Variants in NALCN observed in about 807,000 individuals in gnomAD.
NALCN encodes the protein sodium leak channel NALCN.
NALCN carries 111 observed loss-of-function variants against 225.3 expected under a neutral mutation model. The observed-to-expected ratio is 0.49, with a 90% CI of 0.42 to 0.58. The LOEUF is 0.58. NALCN is among the 20% of genes least tolerant of loss of function. NALCN has a pLI of 0.00. For missense variants in NALCN, 1,378 were observed against 2,202.4 expected (o/e 0.63, Z 7.49); for synonymous variants, 764 against 769.0 (o/e 0.99, Z 0.11).
Position 101,416,479 on chromosome 13 carries a change from C to G in NALCN, c.-206G>C, listed in dbSNP as rs1248919497. 6.6e-6 allele frequency: 1 copy of G among 151,800 alleles called. No individual in the cohort carries two copies. Among genetic ancestry groups the G allele is most frequent in the Non-Finnish European group, 1.5e-5 (1 of 67,910 alleles). The allele number at this position is 151,800 out of a possible 1,614,324, so 9.4% of individuals were successfully genotyped here. A position where few individuals can be genotyped will look rare whatever the true frequency, so the allele number is the denominator to read the frequency against. ...GGCAGCGCGCTCGGCCCGGCTGGGG[C>G]CGCGGCTCACGCTCGCCGTGTCACT... On this transcript the variant is annotated 5_prime_UTR_variant, in exon 1 of 44. Transcript: ENST00000251127.
chr13:101,144,697 A>G, intron 16 of NALCN, 63 bp downstream of exon 16: 2 of 1,546,136 alleles, frequency 1.3e-6, no homozygotes, highest in South Asian at 1.3e-5. Context: ...GTTAAATCAG[A>G]TTTAAGATGA....
rs372450468 is a variant in NALCN at position 101,104,699 on chromosome 13, C to T, written c.2637-49G>A. On this transcript the variant is annotated intron_variant, in intron 23 of 43. Coordinates refer to ENST00000251127, the MANE Select transcript of NALCN (RefSeq NM_052867.4). The surrounding 1 kb of genome is among the most constrained non-coding windows in gnomAD (Gnocchi z 4.2). ...AGAAACATAAAGGTTCCAGGAAAGG[C>T]TTCTAAGAGTTAGAGATGATGGCTT... 95 of 1,610,158 alleles carry T rather than the reference C, an allele frequency of 5.9e-5. 2 individuals carry two copies. In the African/African-American group the frequency reaches 1.2e-3, roughly 20 times the overall value.
chr13:101,060,078 G>A (rs538605523), intron 41 of NALCN, 111 bp from the exon 42 acceptor site: 2 of 1,177,358 alleles, frequency 1.7e-6, no homozygotes, highest in East Asian at 5.0e-5. Flanking sequence ...CATGACGGGT[G>A]ACCTCTTAGG....
At chr13:101,096,307 G>C (rs1418055715) in intron 27 of NALCN, among the ~76,000 whole-genome samples, 1 of 152,126 alleles carries the variant, frequency 6.6e-6, no homozygotes, top group Non-Finnish European at 1.5e-5. Flanking sequence ...TAGCCAAAAG[G>C]TGGAAACAAT....
intron 10 of NALCN, among the ~76,000 whole-genome samples, chr13:101,281,292 GCTGC>G (rs776545629): frequency 5.3e-5 from 8 of 152,126 alleles, no homozygotes; most frequent in Non-Finnish European, 1.0e-4. Flanking sequence ...CTAGCTCAAT[GCTGC>G]CTTTTTCCCT....
chr13:101,259,662 T>A (rs1281524455), intron 10 of NALCN, among the ~76,000 whole-genome samples: 1 of 150,582 alleles, frequency 6.6e-6, no homozygotes, highest in African/African-American at 2.4e-5. Flanking sequence ...AAGGTTATCA[T>A]GTATTAAACG....
intron 6 of NALCN, among the ~76,000 whole-genome samples, chr13:101,370,770 A>T (rs1272746317): frequency 6.6e-6 from 1 of 152,190 alleles, no homozygotes; most frequent in Admixed American, 6.5e-5. Context: ...AGTGGGTGTA[A>T]CTGACATAAC....
At position 101,230,820 on chromosome 13, in the gene NALCN, C is replaced by CTA. The variant is rs1051139044; in HGVS notation, c.1435-1238_1435-1237dup. On this transcript the variant is annotated intron_variant, in intron 12 of 43. Transcript: ENST00000251127. ...TTATATGTACTCAACTATTCTCTCTCTATATATACACGCATGTATATGTGT... is the reference window on the plus strand; with the variant it reads ...TTATATGTACTCAACTATTCTCTCTCTATATATATACACGCATGTATATGTGT... Among the ~76,000 whole-genome samples, 7 of 149,210 alleles carry CTA rather than the reference C, an allele frequency of 4.7e-5. No individual in the cohort carries two copies. In the South Asian group the frequency reaches 8.7e-4, roughly 18 times the overall value.
At chr13:101,081,699 T>C in intron 33 of NALCN, 53 bp from the exon 34 acceptor site, 1 of 1,589,080 alleles carries the variant, frequency 6.3e-7, no homozygotes, top group East Asian at 2.2e-5. Context: ...AGTACATATT[T>C]AAATGTATTA....
intron 13 of NALCN, among the ~76,000 whole-genome samples, chr13:101,226,201 T>C (rs2140123051): frequency 6.6e-6 from 1 of 152,026 alleles, no homozygotes; most frequent in South Asian, 2.1e-4. Flanking sequence ...ATTCCAACCC[T>C]AAGATAAACC....
chr13:101,201,056 G>T (rs1380923629), intron 13 of NALCN, among the ~76,000 whole-genome samples: 1 of 152,112 alleles, frequency 6.6e-6, no homozygotes, highest in Admixed American at 6.6e-5. Context: ...ATATGCTTTT[G>T]TGTGCATATA....
At chr13:101,359,186 A>C (rs1435322302) in intron 6 of NALCN, among the ~76,000 whole-genome samples, 1 of 152,170 alleles carries the variant, frequency 6.6e-6, no homozygotes, top group Non-Finnish European at 1.5e-5. Flanking sequence ...CCACAACTTA[A>C]AGTAAAAATT....
chr13:101,150,761 GA>G (rs2037607919), intron 15 of NALCN, among the ~76,000 whole-genome samples: 1 of 60,822 alleles, frequency 1.6e-5, no homozygotes, highest in African/African-American at 6.0e-5. Flanking sequence ...AAGTGGTTAT[GA>G]ATTTTTAAGA....
In NALCN at chr13:101,089,191, C is replaced by A. The variant is rs192833334; in HGVS notation, c.3489+472G>T. ...GGGATTACAGGCGTGAGCCACCATG[C>A]CCTGCCACAAAATCTTTTTTTCTGT... On this transcript the variant is annotated intron_variant, in intron 30 of 43. Coordinates refer to ENST00000251127, the MANE Select transcript of NALCN (RefSeq NM_052867.4). The surrounding 1 kb of genome is among the most constrained non-coding windows in gnomAD (Gnocchi z 4.7). Among the ~76,000 whole-genome samples the A allele has an allele frequency of 1.7e-3, 254 of 152,320 alleles. 1 individual carries two copies. The highest frequency in any genetic ancestry group is 5.7e-3 in the African/African-American group (239 of 41,586).
At chr13:101,370,330 A>G (rs1316411445) in intron 6 of NALCN, among the ~76,000 whole-genome samples, 3 of 152,252 alleles carry the variant, frequency 2.0e-5, no homozygotes, top group Non-Finnish European at 4.4e-5. Flanking sequence ...CTCACAATAC[A>G]AAACCTGCAT....
At chr13:101,132,458 G>A (rs1487095473) in intron 17 of NALCN, among the ~76,000 whole-genome samples, 1 of 152,012 alleles carries the variant, frequency 6.6e-6, no homozygotes, top group East Asian at 1.9e-4. Flanking sequence ...TTATTCTCTA[G>A]TCATTGAATG....
chr13:101,105,548 T>C (rs1416775089), intron 22 of NALCN, among the ~76,000 whole-genome samples: 2 of 152,070 alleles, frequency 1.3e-5, no homozygotes, highest in African/African-American at 4.8e-5. Flanking sequence ...GCCTTGCTGA[T>C]AAAAGGGAAA....
intron 1 of NALCN, among the ~76,000 whole-genome samples, chr13:101,415,206 C>CATGTATATATATATATATATATAT: frequency 9.5e-6 from 1 of 104,810 alleles, no homozygotes; most frequent in South Asian, 2.8e-4. Context: ...ACAAATCACA[C>CATGTATATATATATATATATATAT]ACATATATAT....
chr13:101,194,512 T>C (rs943315262), intron 13 of NALCN, among the ~76,000 whole-genome samples: 13 of 152,198 alleles, frequency 8.5e-5, no homozygotes, highest in African/African-American at 1.9e-4. Context: ...GTAGTGTGCT[T>C]GAGATAGTGA....
Sources: gnomAD v4.1 joint callset for allele counts (sites outside exome capture counted in the v4.1 genomes callset) on GRCh38, gnomAD v4.1.1 for gene constraint, Gnocchi (gnomAD v3.1) non-coding constraint, MANE v1.5 for transcripts, NCBI Gene and HGNC (gene_info 2026-07-23, HGNC 2026-07-21) for gene names.